The following EPS15 variants were observed in gnomAD, a reference collection of about 807,000 sequenced individuals.
EPS15 encodes epidermal growth factor receptor pathway substrate 15.
A neutral mutation model predicts 113.8 loss-of-function variants in EPS15; 72 were observed. The ratio of observed to expected loss-of-function variants is 0.63; its 90% confidence interval spans 0.52 to 0.77. The LOEUF is 0.77. Ranked by LOEUF, EPS15 falls within the 30% of genes least tolerant of loss-of-function variation. The pLI, the probability that EPS15 is intolerant of heterozygous loss-of-function variation, is 0.00. For missense variants in EPS15, 1,048 were observed against 1,045.8 expected (o/e 1.00, Z -0.03); for synonymous variants, 344 against 363.4 (o/e 0.95, Z 0.61).
chr1:51,425,497 G>A (rs1021909586), intron 12 of EPS15, among the ~76,000 whole-genome samples: 8 of 152,178 alleles, frequency 5.3e-5, no homozygotes, highest in African/African-American at 9.6e-5. Context: ...CCACTATTTC[G>A]TAACCAGAAA....
At chr1:51,360,414 T>G (rs1197111400) in intron 24 of EPS15, among the ~76,000 whole-genome samples, 1 of 152,234 alleles carries the variant, frequency 6.6e-6, no homozygotes, top group Non-Finnish European at 1.5e-5. Context: ...TATGTCTCTC[T>G]AGACTGATAC....
At chr1:51,435,641 G>A (rs1044258074) in intron 12 of EPS15, among the ~76,000 whole-genome samples, 2 of 152,122 alleles carry the variant, frequency 1.3e-5, no homozygotes, top group Non-Finnish European at 2.9e-5. Context: ...CATACTTTGC[G>A]TCATTCATTC....
At chr1:51,370,432 C>A (rs1250477726) in intron 21 of EPS15, among the ~76,000 whole-genome samples, 1 of 151,998 alleles carries the variant, frequency 6.6e-6, no homozygotes, top group Admixed American at 6.6e-5. Context: ...ACCAAAAATG[C>A]TCCAATAAGC....
intron 13 of EPS15, among the ~76,000 whole-genome samples, chr1:51,417,173 C>T (rs531558371): frequency 1.3e-5 from 2 of 152,132 alleles, no homozygotes; most frequent in South Asian, 4.2e-4. Context: ...TAAGTCATCC[C>T]TCTTCATCTA....
At chr1:51,511,221 G>A (rs138394179) in intron 1 of EPS15, among the ~76,000 whole-genome samples, 11 of 151,684 alleles carry the variant, frequency 7.3e-5, no homozygotes, top group African/African-American at 1.2e-4. Context: ...TTGGCCGGGC[G>A]CAGTGGCTCA....
intron 20 of EPS15, among the ~76,000 whole-genome samples, chr1:51,396,179 A>T (rs900561811): frequency 6.6e-6 from 1 of 152,246 alleles, no homozygotes; most frequent in African/African-American, 2.4e-5. Flanking sequence ...CAGAATAAAC[A>T]GCAATTAAAG....
rs1227059135 is a variant in EPS15 at position 51,354,307 on chromosome 1, A to C, written c.*2393T>G. 4 of 178,596 alleles carry C rather than the reference A, an allele frequency of 2.2e-5. No individual in the cohort carries two copies. The highest frequency in any genetic ancestry group is 4.8e-5 in the Non-Finnish European group (4 of 83,202). The allele number at this position is 178,596 out of a possible 1,614,324, so 11.1% of individuals were successfully genotyped here. On this transcript the variant is annotated 3_prime_UTR_variant, in exon 25 of 25. Transcript: ENST00000371733. ...TTTATTCTATACCAGGTGCTGTCCC[A>C]AACCCTTTACATATATTAATCTGTG...
intron 21 of EPS15, among the ~76,000 whole-genome samples, chr1:51,367,337 A>G (rs1343376763): frequency 6.6e-6 from 1 of 152,132 alleles, no homozygotes; most frequent in Non-Finnish European, 1.5e-5. Flanking sequence ...AGATCACTTG[A>G]GGCCAGGATT....
intron 21 of EPS15, among the ~76,000 whole-genome samples, chr1:51,384,286 T>C (rs916997698): frequency 7.1e-6 from 1 of 140,798 alleles, no homozygotes; most frequent in Non-Finnish European, 1.5e-5. Flanking sequence ...GTCTTTTTCT[T>C]TTTCTTTCTT....
intron 20 of EPS15, among the ~76,000 whole-genome samples, chr1:51,398,146 C>T (rs896269318): frequency 4.6e-5 from 7 of 151,966 alleles, no homozygotes; most frequent in East Asian, 3.9e-4. Context: ...CTCCGCCTCC[C>T]GGGTTCACGC....
chr1:51,499,240 C>A (rs1644374429), intron 1 of EPS15, among the ~76,000 whole-genome samples: 1 of 152,158 alleles, frequency 6.6e-6, no homozygotes, highest in African/African-American at 2.4e-5. Flanking sequence ...TAAAAACAAA[C>A]ATAATATTTG....
chr1:51,499,706 A>C (rs1027073902), intron 1 of EPS15, among the ~76,000 whole-genome samples: 1 of 151,788 alleles, frequency 6.6e-6, no homozygotes, highest in African/African-American at 2.4e-5. Flanking sequence ...GATGTTGAAA[A>C]TTTTCTTGTG....
intron 20 of EPS15, among the ~76,000 whole-genome samples, chr1:51,396,660 T>C (rs983620869): frequency 1.3e-5 from 2 of 152,134 alleles, no homozygotes; most frequent in African/African-American, 4.8e-5. Context: ...CATCATATAC[T>C]GTGCAACCAC....
chr1:51,502,775 T>C (rs1644434966), intron 1 of EPS15, among the ~76,000 whole-genome samples: 1 of 151,986 alleles, frequency 6.6e-6, no homozygotes, highest in Admixed American at 6.6e-5. Flanking sequence ...GAGGCTAAGT[T>C]GGGTGGATCA....
At chr1:51,400,055 AAC>A (rs1648368464) in intron 19 of EPS15, among the ~76,000 whole-genome samples, 1 of 152,220 alleles carries the variant, frequency 6.6e-6, no homozygotes, top group African/African-American at 2.4e-5. Context: ...AACTAAAGAA[AAC>A]ACAATAAAAA....
chr1:51,397,791 T>G (rs898889210), intron 20 of EPS15, among the ~76,000 whole-genome samples: 1 of 152,208 alleles, frequency 6.6e-6, no homozygotes, highest in Non-Finnish European at 1.5e-5. Flanking sequence ...AAAGGAAATA[T>G]TCTTAATCTA....
intron 21 of EPS15, among the ~76,000 whole-genome samples, chr1:51,394,044 A>C (rs1047081436): frequency 2.0e-5 from 3 of 152,196 alleles, no homozygotes; most frequent in African/African-American, 4.8e-5. Context: ...GGAAGCCACT[A>C]ATCTTTTAAC....
intron 13 of EPS15, among the ~76,000 whole-genome samples, chr1:51,411,403 T>C (rs567805905): frequency 1.3e-5 from 2 of 152,244 alleles, no homozygotes; most frequent in East Asian, 3.9e-4. Context: ...GTGCCATGAA[T>C]TGCTAACTCT....
chr1:51,397,251 G>C (rs192357220), intron 20 of EPS15: 2 of 152,224 alleles, frequency 1.3e-5, no homozygotes, highest in Admixed American at 1.3e-4. Flanking sequence ...AAAGAGCTTG[G>C]CACCATCCCT....
Sources: gnomAD v4.1 joint callset for allele counts (sites outside exome capture counted in the v4.1 genomes callset) on GRCh38, gnomAD v4.1.1 for gene constraint, MANE v1.5 for transcripts, NCBI Gene and HGNC (gene_info 2026-07-23, HGNC 2026-07-21) for gene names.